CFAP418: variants seen among roughly 807,000 people sequenced by gnomAD.
CFAP418 encodes the protein cilia and flagella associated protein 418.
In CFAP418, 27 loss-of-function variants were observed where a neutral mutation model predicts 24.7. The observed-to-expected ratio is 1.09, with a 90% CI of 0.81 to 1.51. CFAP418 has a LOEUF of 1.51. CFAP418 is among the 40% of genes most tolerant of loss of function. The pLI, the probability that CFAP418 is intolerant of heterozygous loss-of-function variation, is 0.00. For missense variants in CFAP418, 257 were observed against 255.2 expected (o/e 1.01, Z -0.05); for synonymous variants, 74 against 87.3 (o/e 0.85, Z 0.85).
intron 4 of CFAP418, among the ~76,000 whole-genome samples, chr8:95,259,598 A>T (rs1319336822): frequency 6.6e-6 from 1 of 152,154 alleles, no homozygotes; most frequent in East Asian, 1.9e-4. Context: ...CTGGGACTGG[A>T]GTGATCCAGG....
intron 1 of CFAP418, chr8:95,268,796 C>G: frequency 3.5e-6 from 1 of 285,438 alleles, no homozygotes. Context: ...GGGGCGGGGG[C>G]CAGCCCTCTG....
chr8:95,259,912 G>A lies in CFAP418; in HGVS notation c.309-7C>T, dbSNP rs1388149320. The A allele has an allele frequency of 6.4e-7, 1 of 1,564,044 alleles. No homozygotes were observed. The highest frequency in any genetic ancestry group is 2.1e-5 in the Admixed American group (1 of 47,208). ...AAGGTACACCGGACTGCAACTAGAT[G>A]TGTTCAACAGATGCAAAAATATGAA... On this transcript the variant is annotated splice_polypyrimidine_tract_variant and splice_region_variant and intron_variant, in intron 3 of 5. Coordinates refer to ENST00000286688, the MANE Select transcript of CFAP418 (RefSeq NM_177965.4).
Position 95,259,842 on chromosome 8 carries a change from C to T in CFAP418, c.372G>A (p.Trp124Ter). The change falls in exon 4 of 6, where the codon TGG becomes TGA. Residue 124 changes from tryptophan (W) to a stop codon, truncating the protein, a stop_gained and splice_region_variant. Transcript: ENST00000286688. LOFTEE classifies it high-confidence loss of function. ...IPCGIGTNIS[W>*]RACDHLRCIA... ...ATAATACATTTCTGACAACCTACCTCCATGAAATATTTGTTCCAATCCCAC... is the reference window on the plus strand; with the variant it reads ...ATAATACATTTCTGACAACCTACCTTCATGAAATATTTGTTCCAATCCCAC... The T allele has an allele frequency of 1.2e-6, 2 of 1,606,582 alleles. No individual in the cohort carries two copies. The highest frequency in any genetic ancestry group is 1.7e-6 in the Non-Finnish European group (2 of 1,177,568).
At chr8:95,267,701 C>T (rs1360742411) in intron 1 of CFAP418, among the ~76,000 whole-genome samples, 1 of 152,140 alleles carries the variant, frequency 6.6e-6, no homozygotes, top group Non-Finnish European at 1.5e-5. Context: ...CACCAAAAAA[C>T]CAAAACCAAA....
chr8:95,260,132 G>C (rs1458790927), intron 3 of CFAP418, among the ~76,000 whole-genome samples: 2 of 152,172 alleles, frequency 1.3e-5, no homozygotes, highest in African/African-American at 4.8e-5. Flanking sequence ...GAATTAAAAT[G>C]AGTAAAAGAA....
At chr8:95,268,725 G>C (rs1452271662) in intron 1 of CFAP418, 1 of 188,338 alleles carries the variant, frequency 5.3e-6, no homozygotes, top group African/African-American at 2.4e-5. Context: ...CAGGATGAAG[G>C]AGACTGGCGC....
chr8:95,260,398 A>C, intron 3 of CFAP418, 70 bp downstream of exon 3: 1 of 1,170,680 alleles, frequency 8.5e-7, no homozygotes, highest in Non-Finnish European at 1.2e-6. Flanking sequence ...ATGGTAACAA[A>C]ATCTACTAGA....
Position 95,261,005 on chromosome 8 carries a change from A to C in CFAP418, c.244-473T>G, listed in dbSNP as rs192023604. 2.6e-3 allele frequency among the ~76,000 whole-genome samples: 401 copies of C among 152,332 alleles called. 2 individuals are homozygous for C. Among genetic ancestry groups the C allele is most frequent in the African/African-American group, 9.4e-3 (392 of 41,574 alleles). On this transcript the variant is annotated intron_variant, in intron 2 of 5. Transcript: ENST00000286688. ...AGGAATATTAATTTTGATCAAATGGAATGGCATCAACCAATAAATGTGCAA... is the reference window on the plus strand; with the variant it reads ...AGGAATATTAATTTTGATCAAATGGCATGGCATCAACCAATAAATGTGCAA...
rs190108579 is a variant in CFAP418 at position 95,251,684 on chromosome 8, C to T, written c.470+504G>A. On this transcript the variant is annotated intron_variant, in intron 5 of 5. Coordinates refer to ENST00000286688, the MANE Select transcript of CFAP418 (RefSeq NM_177965.4). The stretch of plus-strand genomic sequence containing the variant: ...TATTCTTGTCCAGAAGTAACATGTC[C>T]TTATCTAGGCTGACAGCAGGCAGAT... Among the ~76,000 whole-genome samples, 5 of 152,236 alleles carry T rather than the reference C, an allele frequency of 3.3e-5. No homozygotes were observed. The East Asian group carries it at 7.7e-4, about 23-fold the overall frequency.
intron 3 of CFAP418, 112 bp from the exon 4 acceptor site, chr8:95,260,017 C>A: frequency 1.4e-6 from 1 of 733,706 alleles, no homozygotes; most frequent in South Asian, 1.9e-5. Context: ...TTCTTGTAAT[C>A]AAATTGTCTA....
At position 95,246,279 on chromosome 8, in the gene CFAP418, A is replaced by G. The variant is rs984894963; in HGVS notation, c.*1338T>C. The stretch of plus-strand genomic sequence containing the variant: ...GCTGGGATTACAGGCGTGAGCTACC[A>G]TGCTTAGTCTGTCATAATATCCTTA... On this transcript the variant is annotated 3_prime_UTR_variant, in exon 6 of 6. Coordinates refer to ENST00000286688, the MANE Select transcript of CFAP418 (RefSeq NM_177965.4). The G allele has an allele frequency of 6.6e-6, 1 of 152,192 alleles. No individual in the cohort carries two copies. Among genetic ancestry groups the G allele is most frequent in the Non-Finnish European group, 1.5e-5 (1 of 68,050 alleles). The allele number at this position is 152,192 out of a possible 1,614,324, so 9.4% of individuals were successfully genotyped here.
chr8:95,267,876 GT>G (rs560663569), intron 1 of CFAP418, among the ~76,000 whole-genome samples: 1,761 of 137,244 alleles, frequency 0.013, 24 homozygotes, highest in African/African-American at 0.042. Flanking sequence ...CAAACATTTT[GT>G]TTTTTTTTTT....
chr8:95,263,379 CT>C (rs112339846), intron 2 of CFAP418, among the ~76,000 whole-genome samples: 21,994 of 152,122 alleles, frequency 0.14, 1,769 homozygotes, highest in South Asian at 0.24. Context: ...TGTTTTTGGC[CT>C]TTTAGAAAAG....
rs1563477144 is a variant in CFAP418 at position 95,269,065 on chromosome 8, CG to C, written c.124del (p.Arg42GlyfsTer42). 17 of 1,614,180 alleles carry C rather than the reference CG, an allele frequency of 1.1e-5. No homozygotes were observed. Among genetic ancestry groups the C allele is most frequent in the Admixed American group, 1.7e-5 (1 of 60,036 alleles). ...CGTCTCTTTCGCCTTGGCTTGGTTC[CG>C]GTCGCTACTGTGGGTGCCGCCGCCG... The part of the protein sequence containing the change: ...GCGGGTHSSD[R>X]NQAKAKETLR... On this transcript the variant is annotated frameshift_variant, in exon 1 of 6. Transcript: ENST00000286688. LOFTEE classifies it high-confidence loss of function.
At position 95,252,168 on chromosome 8, in the gene CFAP418, G is replaced by T; in HGVS notation, c.470+20C>A. Reference sequence around the variant, plus strand: ...AACTACTTGGTACTTTTTTCAGAGTGAAGTTCTTTAGCAACATACCTGAAA... The same window carrying T: ...AACTACTTGGTACTTTTTTCAGAGTTAAGTTCTTTAGCAACATACCTGAAA... On this transcript the variant is annotated intron_variant, in intron 5 of 5. Transcript: ENST00000286688. The T allele has an allele frequency of 3.8e-6, 6 of 1,562,660 alleles. No homozygotes were observed. Among genetic ancestry groups the T allele is most frequent in the Non-Finnish European group, 5.3e-6 (6 of 1,137,946 alleles).
At chr8:95,258,811 T>C (rs1811837698) in intron 4 of CFAP418, among the ~76,000 whole-genome samples, 1 of 152,242 alleles carries the variant, frequency 6.6e-6, no homozygotes, top group South Asian at 2.1e-4. Flanking sequence ...ATATTTACCA[T>C]TGTGTTACCA....
intron 5 of CFAP418, among the ~76,000 whole-genome samples, chr8:95,249,383 C>T (rs956569918): frequency 6.6e-6 from 1 of 152,168 alleles, no homozygotes; most frequent in South Asian, 2.1e-4. Flanking sequence ...TAAAACTTGT[C>T]TGGGTGTGGT....
chr8:95,262,481 C>A (rs1051486455), intron 2 of CFAP418, among the ~76,000 whole-genome samples: 3 of 152,026 alleles, frequency 2.0e-5, no homozygotes, highest in African/African-American at 4.8e-5. Context: ...AAAAACAAAA[C>A]CCTGGTACTA....
At chr8:95,265,011 C>T (rs1441541146) in intron 1 of CFAP418, among the ~76,000 whole-genome samples, 2 of 152,188 alleles carry the variant, frequency 1.3e-5, no homozygotes, top group African/African-American at 2.4e-5. Flanking sequence ...TCTATATCCA[C>T]GATTTCTACT....
Sources: gnomAD v4.1 joint callset for allele counts (sites outside exome capture counted in the v4.1 genomes callset) on GRCh38, gnomAD v4.1.1 for gene constraint, MANE v1.5 for transcripts, NCBI Gene and HGNC (gene_info 2026-07-23, HGNC 2026-07-21) for gene names.